Variants in NBEAL1 observed in about 807,000 individuals in gnomAD.
The protein encoded by NBEAL1 is neurobeachin like 1.
Under a neutral mutation model 351.3 loss-of-function variants are expected in NBEAL1, and 273 were observed. The observed-to-expected ratio is 0.78, with a 90% CI of 0.70 to 0.86. The LOEUF (loss-of-function observed/expected upper bound fraction) is 0.86. Ranked by LOEUF, NBEAL1 falls within the 40% of genes least tolerant of loss-of-function variation. NBEAL1 has a pLI of 0.00. For missense variants in NBEAL1, 2,961 were observed against 3,201.3 expected, an observed-to-expected ratio of 0.92 and a Z score of 1.81; for synonymous variants, 1,050 against 1,086.4, an observed-to-expected ratio of 0.97 and a Z score of 0.66.
intron 10 of NBEAL1, among the ~76,000 whole-genome samples, chr2:203,092,337 C>T (rs1408724918): frequency 6.6e-6 from 1 of 150,802 alleles, no homozygotes; most frequent in Non-Finnish European, 1.5e-5. Context: ...AGGTGGATCA[C>T]GAGGTCAGGA....
chr2:203,097,706 TTTC>T (rs1361274391), intron 11 of NBEAL1, 73 bp downstream of exon 11: 2 of 382,620 alleles, frequency 5.2e-6, no homozygotes, highest in East Asian at 3.3e-4. Flanking sequence ...TTCCTGTGCT[TTTC>T]TTCTTATGTC....
chr2:203,211,181 T>A, intron 54 of NBEAL1, 75 bp downstream of exon 54: 2 of 1,102,774 alleles, frequency 1.8e-6, no homozygotes, highest in Non-Finnish European at 2.4e-6. Flanking sequence ...AAATCAGGAA[T>A]CTAAGATTTT....
chr2:203,079,372 G>C (rs564188930), intron 8 of NBEAL1, among the ~76,000 whole-genome samples: 4 of 152,280 alleles, frequency 2.6e-5, no homozygotes, highest in Admixed American at 1.3e-4. Context: ...GTGAGTCACT[G>C]TGCCTAGCCA....
chr2:203,187,202 C>A (rs1216171205), intron 44 of NBEAL1, among the ~76,000 whole-genome samples: 1 of 151,636 alleles, frequency 6.6e-6, no homozygotes, highest in Non-Finnish European at 1.5e-5. Flanking sequence ...GTAGCTGGGA[C>A]TGTAGGTGCA....
chr2:203,110,355 C>T, intron 15 of NBEAL1, 73 bp downstream of exon 15: 1 of 1,465,852 alleles, frequency 6.8e-7, no homozygotes, highest in Non-Finnish European at 9.2e-7. Context: ...ATAAATTCAA[C>T]AGCAGTCATT....
chr2:203,135,714 A>G lies in NBEAL1; in HGVS notation c.3851A>G (p.His1284Arg). 1 of 1,553,076 alleles carries G rather than the reference A, an allele frequency of 6.4e-7. No individual in the cohort carries two copies. The highest frequency in any genetic ancestry group is 1.4e-5 in the African/African-American group (1 of 73,404). The part of the protein sequence containing the change: ...QILQFQPDAA[H>R]QISQQVGWQD... ...TTGCAGTTCCAGCCAGATGCAGCAC[A>G]TCAAATATCACAGCAAGTGGGTTGG... Residue 1284 changes from histidine (H) to arginine (R), a missense_variant, in exon 28 of 56, where the codon CAT becomes CGT. Transcript: ENST00000683969.
In NBEAL1 at chr2:203,056,438, A is replaced by T. The variant is rs2061402960; in HGVS notation, c.317A>T (p.Asn106Ile). 1.9e-6 allele frequency: 3 copies of T among 1,539,574 alleles called. No homozygotes were observed. The highest frequency in any genetic ancestry group is 2.6e-6 in the Non-Finnish European group (3 of 1,135,082). ...FFIILCRNLS[N>I]VEEIGTCSYI... ...TCTTTTTCTCACAGAAATCTATCAA[A>T]TGTGGAAGAAATTGGGACTTGCTCG... The change falls in exon 5 of 56, where the codon AAT becomes ATT. Residue 106 changes from asparagine to isoleucine, a missense_variant. Asn to Ile is a moderately radical substitution (Grantham distance 149). Transcript: ENST00000683969.
intron 7 of NBEAL1, among the ~76,000 whole-genome samples, chr2:203,076,571 A>C (rs2061777789): frequency 6.7e-6 from 1 of 149,076 alleles, no homozygotes; most frequent in South Asian, 2.1e-4. Flanking sequence ...ATGCAGGAGT[A>C]CATATATGTA....
chr2:203,024,874 AAAT>A lies in NBEAL1; in HGVS notation c.51+8442_51+8444del, dbSNP rs2060830924. Among the ~76,000 whole-genome samples the A allele has an allele frequency of 8.5e-5, 13 of 152,300 alleles. No homozygotes were observed. The South Asian group carries it at 2.7e-3, about 32-fold the overall frequency. On this transcript the variant is annotated intron_variant, in intron 2 of 55. Coordinates refer to ENST00000683969, the MANE Select transcript of NBEAL1 (RefSeq NM_001378026.1). The stretch of plus-strand genomic sequence containing the variant: ...GAGACTCTGTCTGAAATAAATAAAT[AAAT>A]AAATACATACATACATACATAAATT...
chr2:203,136,260 T>G lies in NBEAL1; in HGVS notation c.4389+8T>G, dbSNP rs749244547. 1.4e-5 allele frequency: 22 copies of G among 1,538,230 alleles called. No homozygotes were observed. The South Asian group carries it at 2.6e-4, about 18-fold the overall frequency. ...TTACTTGAAAGCCAAGAGGTAAAAT[T>G]GCTTATTTTTCCAAATGTTGTTTTT... On this transcript the variant is annotated splice_region_variant and intron_variant, in intron 28 of 55. Transcript: ENST00000683969.
At chr2:203,086,627 T>C (rs2061965697) in intron 10 of NBEAL1, among the ~76,000 whole-genome samples, 1 of 152,132 alleles carries the variant, frequency 6.6e-6, no homozygotes, top group Admixed American at 6.6e-5. Flanking sequence ...CTCTGCCTCC[T>C]GGGTTCAAGC....
intron 29 of NBEAL1, 134 bp from the exon 30 acceptor site, chr2:203,138,028 T>G: frequency 1.2e-6 from 1 of 816,482 alleles, no homozygotes; most frequent in Non-Finnish European, 1.9e-6. Flanking sequence ...TTACAGTATC[T>G]TAGGGATACC....
intron 26 of NBEAL1, among the ~76,000 whole-genome samples, chr2:203,132,403 A>G (rs550160095): frequency 6.6e-6 from 1 of 152,226 alleles, no homozygotes; most frequent in Non-Finnish European, 1.5e-5. Context: ...TGTGCAAAAG[A>G]TTGTTTTTTC....
chr2:203,107,067 A>G (rs1290799049), intron 12 of NBEAL1, among the ~76,000 whole-genome samples: 1 of 152,020 alleles, frequency 6.6e-6, no homozygotes, highest in African/African-American at 2.4e-5. Flanking sequence ...TTTTTCCTCT[A>G]TTTTTGTTTT....
At chr2:203,199,968 T>G (rs1043792712) in intron 49 of NBEAL1, among the ~76,000 whole-genome samples, 3 of 152,264 alleles carry the variant, frequency 2.0e-5, no homozygotes, top group Admixed American at 2.0e-4. Flanking sequence ...TATTCTACTT[T>G]ATTATGTAAA....
chr2:203,195,159 A>G (rs138629877), intron 47 of NBEAL1, among the ~76,000 whole-genome samples: 1 of 151,636 alleles, frequency 6.6e-6, no homozygotes, highest in Non-Finnish European at 1.5e-5. Flanking sequence ...ACGCCACTGC[A>G]CTCAGAGCGA....
Position 203,172,828 on chromosome 2 carries a change from A to G in NBEAL1, c.6298A>G (p.Lys2100Glu). Residue 2100 changes from lysine (K) to glutamate (E), a missense_variant, in exon 41 of 56, where the codon AAA (lysine) becomes GAA (glutamate). Physicochemically the swap from Lys to Glu is moderately conservative, Grantham distance 56. Coordinates refer to ENST00000683969, the MANE Select transcript of NBEAL1 (RefSeq NM_001378026.1). Reference protein sequence around the residue: ...LSKPIGVVNEKNAKAMREKYE... With the variant: ...LSKPIGVVNEENAKAMREKYE... ...CAAACCAATTGGGGTAGTTAATGAAAAAAACGCCAAAGCTATGAGAGAAAA... is the reference window on the plus strand; with the variant it reads ...CAAACCAATTGGGGTAGTTAATGAAGAAAACGCCAAAGCTATGAGAGAAAA... 1.2e-6 allele frequency: 2 copies of G among 1,609,866 alleles called. No individual in the cohort carries two copies. The highest frequency in any genetic ancestry group is 1.7e-6 in the Non-Finnish European group (2 of 1,177,904).
intron 2 of NBEAL1, among the ~76,000 whole-genome samples, chr2:203,017,490 A>G (rs2060700491): frequency 1.3e-5 from 2 of 152,200 alleles, no homozygotes. Context: ...TTAGTCTTGC[A>G]TAATTTAATA....
intron 35 of NBEAL1, among the ~76,000 whole-genome samples, chr2:203,154,151 G>A (rs1349413583): frequency 6.6e-6 from 1 of 151,360 alleles, no homozygotes; most frequent in East Asian, 1.9e-4. Flanking sequence ...CAGGAGAATG[G>A]CATGAACCCG....
Sources: gnomAD v4.1 joint callset for allele counts (sites outside exome capture counted in the v4.1 genomes callset) on GRCh38, gnomAD v4.1.1 for gene constraint, MANE v1.5 for transcripts, NCBI Gene and HGNC (gene_info 2026-07-23, HGNC 2026-07-21) for gene names.